Variants in ACTL8 observed in about 807,000 individuals in gnomAD.
ACTL8 encodes the protein actin-like protein 8.
A neutral mutation model predicts 9.3 loss-of-function variants in ACTL8; 3 were observed. That is an observed-to-expected ratio of 0.32 (90% confidence interval 0.15 to 0.83). The LOEUF is 0.83. ACTL8 is among the 40% of genes least tolerant of loss of function. ACTL8 has a pLI of 0.57. For synonymous variants in ACTL8, 224 were observed against 205.9 expected (o/e 1.09, Z -0.75); for missense variants, 381 against 492.2 (o/e 0.77, Z 2.14).
At chr1:17,806,504 A>T (rs1229495099) in intron 1 of ACTL8, among the ~76,000 whole-genome samples, 1 of 152,210 alleles carries the variant, frequency 6.6e-6, no homozygotes, top group Admixed American at 6.5e-5. Context: ...CCTGGTAATG[A>T]GGCCCAGTCC....
chr1:17,758,333 A>C (rs1419588173), intron 1 of ACTL8, among the ~76,000 whole-genome samples: 1 of 152,212 alleles, frequency 6.6e-6, no homozygotes, highest in African/African-American at 2.4e-5. Flanking sequence ...AATTGATTAG[A>C]GTGTCTCTGG....
chr1:17,781,037 G>A (rs1298444354), intron 1 of ACTL8, among the ~76,000 whole-genome samples: 2 of 152,072 alleles, frequency 1.3e-5, no homozygotes, highest in Non-Finnish European at 2.9e-5. Context: ...AGCAGACTGA[G>A]ATCAAGGTAT....
intron 1 of ACTL8, among the ~76,000 whole-genome samples, chr1:17,793,019 G>A (rs1557437581): frequency 6.6e-6 from 1 of 152,312 alleles, no homozygotes; most frequent in South Asian, 2.1e-4. Context: ...GAGAAAGCAG[G>A]GGCGGGACAG....
intron 1 of ACTL8, among the ~76,000 whole-genome samples, chr1:17,790,184 G>A (rs1461247178): frequency 6.6e-6 from 1 of 152,200 alleles, no homozygotes; most frequent in Non-Finnish European, 1.5e-5. Context: ...AAAGGCACTC[G>A]GAAGCTTGGA....
intron 1 of ACTL8, among the ~76,000 whole-genome samples, chr1:17,793,757 C>T (rs1018863400): frequency 6.6e-6 from 1 of 152,154 alleles, no homozygotes; most frequent in African/African-American, 2.4e-5. Flanking sequence ...CCTCCTGGCT[C>T]CTGTTCCCTG....
At chr1:17,756,523 C>A (rs951468918) in intron 1 of ACTL8, among the ~76,000 whole-genome samples, 1 of 152,154 alleles carries the variant, frequency 6.6e-6, no homozygotes, top group Non-Finnish European at 1.5e-5. Flanking sequence ...CCTTATCAGT[C>A]AATTTCTTGT....
chr1:17,808,014 C>T (rs113300192), intron 1 of ACTL8, among the ~76,000 whole-genome samples: 143 of 152,244 alleles, frequency 9.4e-4, no homozygotes, highest in African/African-American at 3.1e-3. Flanking sequence ...GCCATGTTAG[C>T]AGCAGTAGCA....
intron 1 of ACTL8, among the ~76,000 whole-genome samples, chr1:17,768,024 T>G (rs903460218): frequency 6.6e-6 from 1 of 152,068 alleles, no homozygotes; most frequent in African/African-American, 2.4e-5. Context: ...CAGTCAGGGC[T>G]CCGTGTGTGT....
chr1:17,822,178 G>A (rs2053667791), intron 1 of ACTL8, among the ~76,000 whole-genome samples: 1 of 152,044 alleles, frequency 6.6e-6, no homozygotes, highest in Admixed American at 6.5e-5. Context: ...TCAGGACATC[G>A]CCTTTGCAGT....
intron 1 of ACTL8, among the ~76,000 whole-genome samples, chr1:17,806,516 G>C (rs1237003496): frequency 1.3e-5 from 2 of 152,182 alleles, no homozygotes; most frequent in Non-Finnish European, 2.9e-5. Context: ...GCCCAGTCCA[G>C]CTGCTGCTGG....
rs185008294 is a variant in ACTL8 at position 17,819,889 on chromosome 1, G to A, written c.-24-3096G>A. 1.3e-3 allele frequency among the ~76,000 whole-genome samples: 193 copies of A among 152,036 alleles called. 1 individual carries two copies. The highest frequency in any genetic ancestry group is 3.5e-3 in the African/African-American group (144 of 41,476). On this transcript the variant is annotated intron_variant, in intron 1 of 2. Coordinates refer to ENST00000375406, the MANE Select transcript of ACTL8 (RefSeq NM_030812.3). ...TGGGTGTGCATGGCTTGCACCTGTA[G>A]CCCCAGCTACCCAGGAGGCTGAGGT...
chr1:17,796,828 G>T (rs1440304814), intron 1 of ACTL8, among the ~76,000 whole-genome samples: 1 of 152,224 alleles, frequency 6.6e-6, no homozygotes, highest in African/African-American at 2.4e-5. Context: ...GGTTTAGGTG[G>T]CTACTTGTCG....
At chr1:17,804,839 C>T (rs2066347494) in intron 1 of ACTL8, among the ~76,000 whole-genome samples, 1 of 152,022 alleles carries the variant, frequency 6.6e-6, no homozygotes, top group Non-Finnish European at 1.5e-5. Flanking sequence ...TGGTCTCGAA[C>T]CCCTGACTTC....
intron 1 of ACTL8, among the ~76,000 whole-genome samples, chr1:17,763,709 G>T (rs1205887601): frequency 6.6e-6 from 1 of 152,218 alleles, no homozygotes; most frequent in African/African-American, 2.4e-5. Context: ...GGCACCTAGG[G>T]CAGGGGAAGG....
intron 1 of ACTL8, among the ~76,000 whole-genome samples, chr1:17,782,882 A>G (rs1172743840): frequency 6.6e-6 from 1 of 152,194 alleles, no homozygotes; most frequent in African/African-American, 2.4e-5. Context: ...CAGCTATCCC[A>G]TCCCACATCT....
chr1:17,803,523 G>T (rs1171923761), intron 1 of ACTL8, among the ~76,000 whole-genome samples: 3 of 152,168 alleles, frequency 2.0e-5, no homozygotes, highest in East Asian at 3.9e-4. Flanking sequence ...TAGAGAGGGG[G>T]TTTTGCCATG....
chr1:17,785,774 G>A (rs2066192879), intron 1 of ACTL8, among the ~76,000 whole-genome samples: 1 of 151,870 alleles, frequency 6.6e-6, no homozygotes, highest in Admixed American at 6.6e-5. Context: ...TTTTTTCCTT[G>A]TTGCATAACA....
At chr1:17,776,606 T>C (rs749917117) in intron 1 of ACTL8, among the ~76,000 whole-genome samples, 3 of 152,206 alleles carry the variant, frequency 2.0e-5, no homozygotes, top group Non-Finnish European at 4.4e-5. Context: ...TCCTGCCATA[T>C]GTTCCTAATG....
intron 2 of ACTL8, among the ~76,000 whole-genome samples, chr1:17,824,454 C>T (rs1406490911): frequency 6.6e-6 from 1 of 152,192 alleles, no homozygotes; most frequent in South Asian, 2.1e-4. Flanking sequence ...GCAGAGTGTG[C>T]TTTCATACGA....
Sources: gnomAD v4.1 joint callset for allele counts (sites outside exome capture counted in the v4.1 genomes callset) on GRCh38, gnomAD v4.1.1 for gene constraint, MANE v1.5 for transcripts, NCBI Gene and HGNC (gene_info 2026-07-23, HGNC 2026-07-21) for gene names.